Variants in CAMKMT observed in about 807,000 individuals in gnomAD.
The protein encoded by CAMKMT is calmodulin-lysine N-methyltransferase.
A neutral mutation model predicts 48.0 loss-of-function variants in CAMKMT; 53 were observed. The observed-to-expected ratio is 1.10, with a 90% CI of 0.89 to 1.39. The LOEUF (loss-of-function observed/expected upper bound fraction) is 1.39, where lower values mean the gene tolerates loss of function less well. Ranked by LOEUF, CAMKMT falls within the 40% of genes most tolerant of loss-of-function variation. The pLI, the probability that CAMKMT is intolerant of heterozygous loss-of-function variation, is 0.00. For missense variants in CAMKMT, 428 were observed against 402.7 expected (o/e 1.06, Z -0.54); for synonymous variants, 165 against 152.3 (o/e 1.08, Z -0.61).
chr2:44,427,909 G>A (rs946924468), intron 3 of CAMKMT, among the ~76,000 whole-genome samples: 1 of 152,186 alleles, frequency 6.6e-6, no homozygotes, highest in African/African-American at 2.4e-5. Context: ...ACCCCTTGTG[G>A]GAAAGGGAGC....
chr2:44,590,109 G>C (rs1187769227), intron 3 of CAMKMT, among the ~76,000 whole-genome samples: 4 of 151,450 alleles, frequency 2.6e-5, no homozygotes, highest in Non-Finnish European at 5.9e-5. Flanking sequence ...TTCCCATCTA[G>C]ATGCCTTTTA....
intron 3 of CAMKMT, among the ~76,000 whole-genome samples, chr2:44,440,140 A>G (rs1305225663): frequency 6.6e-6 from 1 of 152,152 alleles, no homozygotes; most frequent in South Asian, 2.1e-4. Context: ...TTACTTATAC[A>G]GGTCTTATAA....
intron 3 of CAMKMT, among the ~76,000 whole-genome samples, chr2:44,607,180 T>A (rs1402728487): frequency 6.6e-6 from 1 of 152,228 alleles, no homozygotes; most frequent in East Asian, 1.9e-4. Flanking sequence ...AAGAATATTT[T>A]TTATTCCCAT....
At chr2:44,757,953 A>G (rs1048696839) in intron 9 of CAMKMT, among the ~76,000 whole-genome samples, 1 of 152,180 alleles carries the variant, frequency 6.6e-6, no homozygotes, top group Non-Finnish European at 1.5e-5. Context: ...CTGGACTTTG[A>G]GAATTTCTGC....
At chr2:44,743,756 G>A (rs1679803742) in intron 8 of CAMKMT, 60 bp downstream of exon 8, 6 of 1,350,720 alleles carry the variant, frequency 4.4e-6, no homozygotes, top group Non-Finnish European at 5.3e-6. Flanking sequence ...TGGAGTAATT[G>A]GGCTGTGTTG....
intron 2 of CAMKMT, among the ~76,000 whole-genome samples, chr2:44,389,678 TAA>T (rs1271811538): frequency 6.6e-6 from 1 of 152,166 alleles, no homozygotes; most frequent in East Asian, 1.9e-4. Context: ...GTCAAATATT[TAA>T]AAGAGTTGTT....
Position 44,755,999 on chromosome 2 carries a change from C to T in CAMKMT, c.762+1881C>T, listed in dbSNP as rs114081319. Among the ~76,000 whole-genome samples, 646 of 152,324 alleles carry T rather than the reference C, an allele frequency of 4.2e-3. 4 individuals are homozygous for T. The highest frequency in any genetic ancestry group is 0.015 in the African/African-American group (615 of 41,576). On this transcript the variant is annotated intron_variant, in intron 9 of 10. Transcript: ENST00000378494. The stretch of plus-strand genomic sequence containing the variant: ...CTGATACTCAAGGCTGCCAGGTATT[C>T]TAGCCTAAAGTGTAAGGAGCCCACC...
intron 3 of CAMKMT, among the ~76,000 whole-genome samples, chr2:44,395,471 A>T (rs967984733): frequency 2.6e-5 from 4 of 152,164 alleles, no homozygotes; most frequent in Non-Finnish European, 5.9e-5. Flanking sequence ...ACATATACAC[A>T]GTACAGTGGT....
chr2:44,398,894 G>GTA, intron 3 of CAMKMT, among the ~76,000 whole-genome samples: 1 of 152,098 alleles, frequency 6.6e-6, no homozygotes, highest in African/African-American at 2.4e-5. Flanking sequence ...GTGTTTGTGT[G>GTA]TATATACTCC....
chr2:44,672,679 G>A (rs1481732205), intron 3 of CAMKMT, among the ~76,000 whole-genome samples: 4 of 152,104 alleles, frequency 2.6e-5, no homozygotes, highest in African/African-American at 9.7e-5. Flanking sequence ...GAAACTCATA[G>A]TTGCTTATTT....
At chr2:44,768,272 G>GTGTAGAAC (rs1329253341) in intron 10 of CAMKMT, among the ~76,000 whole-genome samples, 1 of 151,038 alleles carries the variant, frequency 6.6e-6, no homozygotes, top group Admixed American at 6.6e-5. Flanking sequence ...GGTGGGGAGA[G>GTGTAGAAC]TGTAGAACCC....
intron 10 of CAMKMT, among the ~76,000 whole-genome samples, chr2:44,769,649 GT>G (rs528829940): frequency 5.3e-4 from 79 of 148,888 alleles, no homozygotes; most frequent in East Asian, 3.1e-3. Flanking sequence ...CATGCCGTGG[GT>G]TTTTTTTTTA....
At chr2:44,375,067 G>GAGCCATAATCATGCCA (rs1679543980) in intron 2 of CAMKMT, among the ~76,000 whole-genome samples, 2 of 152,112 alleles carry the variant, frequency 1.3e-5, no homozygotes, top group Admixed American at 1.3e-4. Flanking sequence ...GGATTTCAAG[G>GAGCCATAATCATGCCA]CTGCAGTGAG....
At chr2:44,690,524 A>T (rs1481164337) in intron 3 of CAMKMT, among the ~76,000 whole-genome samples, 2 of 152,132 alleles carry the variant, frequency 1.3e-5, no homozygotes, top group African/African-American at 2.4e-5. Flanking sequence ...TCAGCTTACT[A>T]TTCTGTTTAT....
intron 3 of CAMKMT, among the ~76,000 whole-genome samples, chr2:44,469,301 T>A: frequency 6.6e-6 from 1 of 152,134 alleles, no homozygotes; most frequent in Non-Finnish European, 1.5e-5. Flanking sequence ...TAGCTTATTT[T>A]TTCATTGAGT....
intron 3 of CAMKMT, among the ~76,000 whole-genome samples, chr2:44,399,622 C>G (rs866078330): frequency 6.8e-6 from 1 of 146,908 alleles, no homozygotes; most frequent in Admixed American, 6.7e-5. Flanking sequence ...ACAAAATAAT[C>G]AAGAAAAAAA....
intron 3 of CAMKMT, among the ~76,000 whole-genome samples, chr2:44,453,273 G>C (rs1431541280): frequency 6.6e-6 from 1 of 151,986 alleles, no homozygotes; most frequent in Non-Finnish European, 1.5e-5. Context: ...TAAGGTTTTT[G>C]TTTTACCTGC....
At chr2:44,717,588 G>C (rs1399166070) in intron 7 of CAMKMT, among the ~76,000 whole-genome samples, 5 of 152,096 alleles carry the variant, frequency 3.3e-5, no homozygotes, top group Non-Finnish European at 7.4e-5. Context: ...CTTTTTTAGT[G>C]CCTCAGTGCA....
At chr2:44,369,633 A>G (rs1678960012) in intron 1 of CAMKMT, 1 of 152,178 alleles carries the variant, frequency 6.6e-6, no homozygotes, top group South Asian at 2.1e-4. Flanking sequence ...GGATTATATC[A>G]CTTTAGCTGT....
Sources: allele counts gnomAD v4.1 joint callset (sites outside exome capture counted in the v4.1 genomes callset), GRCh38; gene constraint gnomAD v4.1.1; transcripts MANE v1.5; gene names NCBI Gene and HGNC (gene_info 2026-07-23, HGNC 2026-07-21).